Variants in DSCAM observed in about 807,000 individuals in gnomAD.
The protein encoded by DSCAM is DS cell adhesion molecule, also known as cell adhesion molecule DSCAM.
A neutral mutation model predicts 217.7 loss-of-function variants in DSCAM; 47 were observed. That is an observed-to-expected ratio of 0.22 (90% CI 0.17 to 0.28). The LOEUF (loss-of-function observed/expected upper bound fraction) is 0.28. Among genes scored for constraint, DSCAM ranks in the 10% least tolerant of loss-of-function variants. The pLI is 1.00. For synonymous variants in DSCAM, 1,056 were observed against 1,015.3 expected, an observed-to-expected ratio of 1.04 and a Z score of -0.76; for missense variants, 2,080 against 2,618.3, an observed-to-expected ratio of 0.79 and a Z score of 4.49.
intron 1 of DSCAM, among the ~76,000 whole-genome samples, chr21:40,833,928 G>A (rs771846274): frequency 6.6e-5 from 10 of 151,994 alleles, no homozygotes; most frequent in Non-Finnish European, 1.5e-4. Flanking sequence ...TATAGTGAGT[G>A]TCCCCTCCAG....
chr21:40,448,370 G>A (rs780903148), intron 3 of DSCAM, among the ~76,000 whole-genome samples: 10 of 152,070 alleles, frequency 6.6e-5, no homozygotes, highest in African/African-American at 1.7e-4. Flanking sequence ...AATGGACATC[G>A]CAGCTCCTGG....
chr21:40,220,129 T>G (rs1455886910), intron 11 of DSCAM, among the ~76,000 whole-genome samples: 1 of 152,204 alleles, frequency 6.6e-6, no homozygotes, highest in Non-Finnish European at 1.5e-5. Context: ...AAACTGCCTT[T>G]CAACATGACA....
chr21:40,277,509 C>T (rs573361052), intron 10 of DSCAM, among the ~76,000 whole-genome samples: 18 of 151,986 alleles, frequency 1.2e-4, no homozygotes, highest in African/African-American at 2.2e-4. Context: ...ACTGAAGAGA[C>T]GAGAGAAATT....
chr21:40,661,331 C>G (rs1287497387), intron 3 of DSCAM, among the ~76,000 whole-genome samples: 1 of 152,180 alleles, frequency 6.6e-6, no homozygotes, highest in Non-Finnish European at 1.5e-5. Flanking sequence ...TGAAATGTGG[C>G]AAAGCATAAA....
chr21:40,461,938 C>T (rs189483187), intron 3 of DSCAM, among the ~76,000 whole-genome samples: 12 of 152,280 alleles, frequency 7.9e-5, no homozygotes, highest in African/African-American at 2.2e-4. Flanking sequence ...AATTTTAGAC[C>T]ACTGAGAGCA....
At chr21:40,106,974 G>C (rs755540571) in intron 20 of DSCAM, among the ~76,000 whole-genome samples, 42 of 150,154 alleles carry the variant, frequency 2.8e-4, no homozygotes, top group Non-Finnish European at 2.4e-4. Flanking sequence ...ATCTCCTTCT[G>C]TTCAGCTCTG....
chr21:40,192,789 G>GATATACTACA (rs2090966014), intron 11 of DSCAM, among the ~76,000 whole-genome samples: 1 of 151,908 alleles, frequency 6.6e-6, no homozygotes. Context: ...TGCAGCACAC[G>GATATACTACA]GATATACTGC....
At position 40,044,228 on chromosome 21, in the gene DSCAM, G is replaced by A. The variant is rs781621737; in HGVS notation, c.5233C>T (p.Arg1745Cys). ...NAKAGPTARN[R>C]YASQWTLNRP... ...TTGAGGGTCCACTGGCTGGCATAGC[G>A]GTTTCTCGCTGTGGGCCCAGCCTTG... Residue 1745 changes from arginine (R) to cysteine (C), a missense_variant, in exon 31 of 33, where the codon CGC becomes TGC. This residue lies in a region of DSCAM where 1,144 missense variants were observed against 1,421.1 expected (regional missense o/e 0.81). Transcript: ENST00000400454. 28 of 1,614,152 alleles carry A rather than the reference G, an allele frequency of 1.7e-5. No individual in the cohort carries two copies. The highest frequency in any genetic ancestry group is 8.8e-5 in the South Asian group (8 of 91,074).
At chr21:40,330,981 T>A (rs1255715554) in intron 8 of DSCAM, among the ~76,000 whole-genome samples, 2 of 152,096 alleles carry the variant, frequency 1.3e-5, no homozygotes, top group Non-Finnish European at 2.9e-5. Context: ...AATATGAAAA[T>A]ATGTGGATGA....
chr21:40,841,748 G>A (rs759594504), intron 1 of DSCAM, among the ~76,000 whole-genome samples: 6 of 152,334 alleles, frequency 3.9e-5, no homozygotes, highest in Non-Finnish European at 7.3e-5. Context: ...CCTCCGAGGC[G>A]CGCGCCACGC....
At chr21:40,576,264 T>C (rs1298543599) in intron 3 of DSCAM, among the ~76,000 whole-genome samples, 1 of 152,210 alleles carries the variant, frequency 6.6e-6, no homozygotes, top group African/African-American at 2.4e-5. Flanking sequence ...AGCAACAACA[T>C]GTGTGAATTT....
chr21:40,296,725 G>A (rs2073958038), intron 9 of DSCAM, among the ~76,000 whole-genome samples: 1 of 151,550 alleles, frequency 6.6e-6, no homozygotes, highest in Admixed American at 6.6e-5. Context: ...TAGCTACTCA[G>A]GAGGCGGAGG....
intron 3 of DSCAM, among the ~76,000 whole-genome samples, chr21:40,617,911 G>A (rs2089426353): frequency 6.6e-6 from 1 of 152,232 alleles, no homozygotes; most frequent in Admixed American, 6.5e-5. Flanking sequence ...GAGGACGGGT[G>A]TTCCAACGCG....
chr21:40,716,567 A>T (rs1344290788), intron 1 of DSCAM, among the ~76,000 whole-genome samples: 1 of 152,250 alleles, frequency 6.6e-6, no homozygotes, highest in Non-Finnish European at 1.5e-5. Context: ...TCAATATTTT[A>T]CATCCCTGTA....
At chr21:40,166,239 T>C (rs1601402045) in intron 16 of DSCAM, among the ~76,000 whole-genome samples, 1 of 152,126 alleles carries the variant, frequency 6.6e-6, no homozygotes, top group Non-Finnish European at 1.5e-5. Flanking sequence ...CTTATTGTAG[T>C]TGTTGGCTGC....
intron 11 of DSCAM, among the ~76,000 whole-genome samples, chr21:40,206,723 A>T (rs1601440725): frequency 6.7e-6 from 1 of 150,360 alleles, no homozygotes. Context: ...AGCCTGGGCA[A>T]CATAGCAAGA....
intron 3 of DSCAM, among the ~76,000 whole-genome samples, chr21:40,415,867 T>C (rs879707214): frequency 5.3e-5 from 8 of 152,162 alleles, no homozygotes; most frequent in Non-Finnish European, 1.0e-4. Context: ...GGCACCATCA[T>C]GTCATGCATC....
At chr21:40,165,401 G>A (rs11911462) in intron 16 of DSCAM, among the ~76,000 whole-genome samples, 5,265 of 152,266 alleles carry the variant, frequency 0.035, 279 homozygotes, top group African/African-American at 0.11. Context: ...TTAGATCACC[G>A]GCAAGTCTGC....
At chr21:40,190,270 A>G (rs1262600479) in intron 11 of DSCAM, among the ~76,000 whole-genome samples, 1 of 152,228 alleles carries the variant, frequency 6.6e-6, no homozygotes, top group Non-Finnish European at 1.5e-5. Context: ...CAAGCCACTT[A>G]TAAATTGTAG....
Sources: allele counts gnomAD v4.1 joint callset (sites outside exome capture counted in the v4.1 genomes callset), GRCh38; gene constraint gnomAD v4.1.1; regional missense constraint gnomAD v4.1.1; transcripts MANE v1.5; gene names NCBI Gene and HGNC (gene_info 2026-07-23, HGNC 2026-07-21).